ALDH7A1: variants seen among roughly 807,000 people sequenced by gnomAD.
The protein encoded by ALDH7A1 is aldehyde dehydrogenase 7 family member A1, also known as alpha-aminoadipic semialdehyde dehydrogenase.
A neutral mutation model predicts 79.9 loss-of-function variants in ALDH7A1; 63 were observed. That is an observed-to-expected ratio of 0.79 (90% confidence interval 0.64 to 0.97). The LOEUF (loss-of-function observed/expected upper bound fraction) is 0.97, where lower values mean the gene tolerates loss of function less well. Among genes scored for constraint, ALDH7A1 ranks in the 50% least tolerant of loss-of-function variants. The pLI is 0.00. For missense variants in ALDH7A1, 627 were observed against 665.2 expected, an observed-to-expected ratio of 0.94 and a Z score of 0.63; for synonymous variants, 240 against 231.2, an observed-to-expected ratio of 1.04 and a Z score of -0.34.
chr5:126,558,166 CAAAAAAAAAA>C (rs35559498), intron 11 of ALDH7A1, among the ~76,000 whole-genome samples: 1 of 75,426 alleles, frequency 1.3e-5, no homozygotes, highest in African/African-American at 5.5e-5. Flanking sequence ...GACTCCAACT[CAAAAAAAAAA>C]AAAAAAAAAA....
chr5:126,560,699 A>G (rs1324837325), intron 10 of ALDH7A1, among the ~76,000 whole-genome samples: 2 of 152,180 alleles, frequency 1.3e-5, no homozygotes, highest in South Asian at 2.1e-4. Flanking sequence ...TAAAGACAAA[A>G]TAATGTTTTT....
At chr5:126,584,841 G>A (rs1390763407) in intron 3 of ALDH7A1, among the ~76,000 whole-genome samples, 1 of 151,886 alleles carries the variant, frequency 6.6e-6, no homozygotes, top group Non-Finnish European at 1.5e-5. Context: ...ATAATTACTG[G>A]GATGAAGAAG....
intron 3 of ALDH7A1, chr5:126,588,631 G>C (rs912370576): frequency 6.6e-6 from 1 of 152,154 alleles, no homozygotes; most frequent in Non-Finnish European, 1.5e-5. Context: ...TTCAAAACAG[G>C]ATATGCAAAG....
In ALDH7A1 at chr5:126,575,436, T is replaced by C. The variant is rs755093525; in HGVS notation, c.679A>G (p.Ser227Gly). 1.9e-6 allele frequency: 3 copies of C among 1,613,218 alleles called. No individual in the cohort carries two copies. The South Asian group carries it at 3.3e-5, about 18-fold the overall frequency. Residue 227 changes from serine to glycine, a missense_variant, in exon 7 of 18, where the codon AGT (serine) becomes GGT (glycine). Ser to Gly is a moderately conservative substitution (Grantham distance 56). Transcript: ENST00000409134. ...TGTACTTACTTTGTGACAGCCACAC[T>C]AATGAGGGAAGTGGTTGGAGCTCCT... The part of the protein sequence containing the change: ...WKGAPTTSLI[S>G]VAVTKIIAKV...
rs1186192321 is a variant in ALDH7A1 at position 126,549,933 on chromosome 5, G to C, written c.1485C>G (p.Ala495=). ...IPTSGAEIGG[A]FGGEKHTGGG... is the part of the protein sequence containing the mutation. Reference sequence around the variant, plus strand: ...GAGAAATGATTCTCTACGTACCAAAGGCACCTCCAATCTCAGCCCCACTTG... The same window carrying C: ...GAGAAATGATTCTCTACGTACCAAACGCACCTCCAATCTCAGCCCCACTTG... The change falls in exon 16 of 18, where the codon GCC becomes GCG. Residue 495 remains alanine, a synonymous_variant. Coordinates refer to ENST00000409134, the MANE Select transcript of ALDH7A1 (RefSeq NM_001182.5). The C allele has an allele frequency of 2.5e-6, 4 of 1,614,050 alleles. No individual in the cohort carries two copies. In the East Asian group the frequency reaches 6.7e-5, roughly 27 times the overall value.
rs777738537 is a variant in ALDH7A1 at position 126,593,542 on chromosome 5, G to A, written c.193-138C>T. 5.7e-6 allele frequency: 7 copies of A among 1,235,506 alleles called. No individual in the cohort carries two copies. The South Asian group carries it at 7.7e-5, about 14-fold the overall frequency. The allele number at this position is 1,235,506 out of a possible 1,614,324, so 76.5% of individuals were successfully genotyped here. A position where few individuals can be genotyped will look rare whatever the true frequency, so the allele number is the denominator to read the frequency against. On this transcript the variant is annotated intron_variant, in intron 1 of 17. Transcript: ENST00000409134. The stretch of plus-strand genomic sequence containing the variant: ...ACTCAAAAAGCTTAGGTTAACTTCT[G>A]TTACATATAAACCACTCTACAGAGG...
rs56118701 is a variant in ALDH7A1, at chr5:126,555,428, A to G, written c.1093+503T>C. On this transcript the variant is annotated intron_variant, in intron 12 of 17. Coordinates refer to ENST00000409134, the MANE Select transcript of ALDH7A1 (RefSeq NM_001182.5). Reference sequence around the variant, plus strand: ...AACCCAGGAGGCGGAGGCTGCAGTGAGCTGAGATCAAGCCACTGCACTCCA... The same window carrying G: ...AACCCAGGAGGCGGAGGCTGCAGTGGGCTGAGATCAAGCCACTGCACTCCA... 1,440 of 149,150 alleles carry G rather than the reference A, an allele frequency of 9.7e-3. 9 individuals carry two copies. Among genetic ancestry groups the G allele is most frequent in the Non-Finnish European group, 0.016 (1,125 of 70,182 alleles). The allele number at this position is 149,150 out of a possible 1,614,324, so 9.2% of individuals were successfully genotyped here. A position where few individuals can be genotyped will look rare whatever the true frequency, so the allele number is the denominator to read the frequency against.
intron 9 of ALDH7A1, among the ~76,000 whole-genome samples, chr5:126,565,249 C>T (rs948864258): frequency 9.9e-5 from 15 of 152,014 alleles, no homozygotes; most frequent in Middle Eastern, 3.4e-3. Flanking sequence ...AAAAATTAGT[C>T]GGACATGGTG....
rs1268794105 is a variant in ALDH7A1 at position 126,574,176 on chromosome 5, G to A, written c.695+1244C>T. Among the ~76,000 whole-genome samples the A allele has an allele frequency of 1.1e-4, 17 of 152,066 alleles. No individual in the cohort carries two copies. In the East Asian group the frequency reaches 1.7e-3, roughly 16 times the overall value. On this transcript the variant is annotated intron_variant, in intron 7 of 17. Transcript: ENST00000409134. ...AGCACTTTGGGAGGCCAAGGCAGGC[G>A]GATCACAAGGTCAAGACATCGAGAC...
Position 126,555,948 on chromosome 5 carries a change from A to G in ALDH7A1, c.1076T>C (p.Val359Ala), listed in dbSNP as rs201752552. 1 of 1,613,346 alleles carries G rather than the reference A, an allele frequency of 6.2e-7. No homozygotes were observed. Among genetic ancestry groups the G allele is most frequent in the Non-Finnish European group, 8.5e-7 (1 of 1,179,492 alleles). The change falls in exon 12 of 18, where the codon GTT (valine) becomes GCT (alanine). Residue 359 changes from valine (V) to alanine (A), a missense_variant. By Grantham distance (64) the Val-to-Ala change is moderately conservative. Coordinates refer to ENST00000409134, the MANE Select transcript of ALDH7A1 (RefSeq NM_001182.5). Reference protein sequence around the residue: ...RLKKAYAQIRVGNPWDPNVLY... With the variant: ...RLKKAYAQIRAGNPWDPNVLY... ...ATACTCACGGTCCCATGGGTTCCCA[A>G]CTCGGATCTGTGCATAGGCCTTTTT...
intron 3 of ALDH7A1, 90 bp from the exon 4 acceptor site, chr5:126,584,102 T>C: frequency 1.8e-6 from 2 of 1,107,384 alleles, no homozygotes; most frequent in South Asian, 2.5e-5. Flanking sequence ...AAAGAACAAA[T>C]TACAATCATA....
At chr5:126,577,316 T>C in intron 5 of ALDH7A1, 105 bp from the exon 6 acceptor site, 1 of 1,460,002 alleles carries the variant, frequency 6.8e-7, no homozygotes, top group Admixed American at 1.9e-5. Context: ...CCAGATGCCT[T>C]ATAGTGGGAA....
rs1749734438 is a variant in ALDH7A1 at position 126,544,907 on chromosome 5, T to G, written c.*58A>C. 6 of 1,438,490 alleles carry G rather than the reference T, an allele frequency of 4.2e-6. No individual in the cohort carries two copies. In the East Asian group the frequency reaches 1.1e-4, roughly 27 times the overall value. The allele number at this position is 1,438,490 out of a possible 1,614,324, so 89.1% of individuals were successfully genotyped here. On this transcript the variant is annotated 3_prime_UTR_variant, in exon 18 of 18. Coordinates refer to ENST00000409134, the MANE Select transcript of ALDH7A1 (RefSeq NM_001182.5). ...AGGGAAAACTTTAATTTTCTTTGTC[T>G]TCTCCAAAAACAGCTGCTGGAACAC...
intron 16 of ALDH7A1, among the ~76,000 whole-genome samples, chr5:126,547,580 GCTT>G (rs1749832468): frequency 6.6e-6 from 1 of 152,144 alleles, no homozygotes; most frequent in Admixed American, 6.5e-5. Flanking sequence ...GAAAAGAACA[GCTT>G]CTTCTACTTT....
chr5:126,554,178 A>G (rs1157069463), intron 13 of ALDH7A1, 109 bp downstream of exon 13: 2 of 808,602 alleles, frequency 2.5e-6, no homozygotes, highest in African/African-American at 3.4e-5. Context: ...AGACAGGAGA[A>G]GAAGGATGTC....
chr5:126,550,316 C>G, intron 14 of ALDH7A1, 23 bp from the exon 15 acceptor site: 1 of 1,552,124 alleles, frequency 6.4e-7, no homozygotes, highest in Non-Finnish European at 8.9e-7. Flanking sequence ...ACATTGGAAG[C>G]TGTAAGATGT....
chr5:126,574,716 T>C (rs1750908398), intron 7 of ALDH7A1, among the ~76,000 whole-genome samples: 1 of 151,478 alleles, frequency 6.6e-6, no homozygotes, highest in South Asian at 2.1e-4. Flanking sequence ...ATAATAATAA[T>C]AATAATATTC....
intron 3 of ALDH7A1, among the ~76,000 whole-genome samples, chr5:126,590,688 C>T (rs905639246): frequency 9.2e-5 from 14 of 151,682 alleles, no homozygotes; most frequent in African/African-American, 2.9e-4. Flanking sequence ...AGTTCGAGAC[C>T]GCCCTGGGCA....
intron 3 of ALDH7A1, among the ~76,000 whole-genome samples, chr5:126,585,331 A>G (rs1751324342): frequency 6.6e-6 from 1 of 151,976 alleles, no homozygotes; most frequent in Non-Finnish European, 1.5e-5. Context: ...TAAAAGGAAC[A>G]TTCCCCTCCA....
Sources: gnomAD v4.1 joint callset for allele counts (sites outside exome capture counted in the v4.1 genomes callset) on GRCh38, gnomAD v4.1.1 for gene constraint, MANE v1.5 for transcripts, NCBI Gene and HGNC (gene_info 2026-07-23, HGNC 2026-07-21) for gene names.